APBA1: variants seen among roughly 807,000 people sequenced by gnomAD.
APBA1 encodes the protein amyloid beta precursor protein binding family A member 1, also known as amyloid-beta A4 precursor protein-binding family A member 1.
Under a neutral mutation model 86.6 loss-of-function variants are expected in APBA1, and 55 were observed. The observed-to-expected ratio is 0.64, with a 90% confidence interval of 0.51 to 0.80. The LOEUF is 0.80. APBA1 is among the 30% of genes least tolerant of loss of function. APBA1 has a pLI of 0.00. For synonymous variants in APBA1, 511 were observed against 493.9 expected (o/e 1.03, Z -0.46); for missense variants, 1,090 against 1,183.0 (o/e 0.92, Z 1.15).
At chr9:69,671,217 G>A (rs970728797) in intron 1 of APBA1, among the ~76,000 whole-genome samples, 1 of 152,092 alleles carries the variant, frequency 6.6e-6, no homozygotes, top group Non-Finnish European at 1.5e-5. Flanking sequence ...TTCTCCTTCT[G>A]GTCAGACAAG....
At chr9:69,502,696 A>G (rs1835898039) in intron 2 of APBA1, among the ~76,000 whole-genome samples, 1 of 152,088 alleles carries the variant, frequency 6.6e-6, no homozygotes, top group South Asian at 2.1e-4. Flanking sequence ...AAAAGAAGAC[A>G]TCTCAAAAAC....
At chr9:69,566,464 G>A (rs891133887) in intron 1 of APBA1, among the ~76,000 whole-genome samples, 2 of 152,246 alleles carry the variant, frequency 1.3e-5, no homozygotes, top group Non-Finnish European at 2.9e-5. Context: ...AGTGCTTATT[G>A]GTGCTTGGTA....
At chr9:69,625,019 A>G (rs1375575185) in intron 1 of APBA1, among the ~76,000 whole-genome samples, 1 of 152,142 alleles carries the variant, frequency 6.6e-6, no homozygotes, top group East Asian at 1.9e-4. Flanking sequence ...TCCTTCATGG[A>G]GCTCACATTC....
chr9:69,515,883 G>A, intron 2 of APBA1, 128 bp downstream of exon 2: 7 of 1,042,980 alleles, frequency 6.7e-6, no homozygotes, highest in Non-Finnish European at 9.4e-6. Context: ...GCTTACGGTG[G>A]AAAAGTTCTT....
chr9:69,551,105 A>G (rs902730981), intron 1 of APBA1, among the ~76,000 whole-genome samples: 1 of 152,238 alleles, frequency 6.6e-6, no homozygotes. Flanking sequence ...TTGGGACAAG[A>G]AAAAATCTGG....
chr9:69,476,262 G>C, intron 2 of APBA1, 119 bp from the exon 3 acceptor site: 2 of 667,850 alleles, frequency 3.0e-6, no homozygotes, highest in Non-Finnish European at 5.2e-6. Flanking sequence ...ACACTGCAGT[G>C]GGGAGAAAAC....
chr9:69,448,375 A>C (rs1834946977), intron 10 of APBA1, among the ~76,000 whole-genome samples: 1 of 152,240 alleles, frequency 6.6e-6, no homozygotes, highest in South Asian at 2.1e-4. Flanking sequence ...TCCATGTTCA[A>C]AGTTGATTCT....
intron 1 of APBA1, among the ~76,000 whole-genome samples, chr9:69,656,016 TAC>T (rs1002133513): frequency 2.6e-5 from 4 of 152,230 alleles, no homozygotes. Context: ...CCCATACATG[TAC>T]AATTTTTATG....
chr9:69,543,721 C>T (rs1480076871), intron 1 of APBA1, among the ~76,000 whole-genome samples: 1 of 152,142 alleles, frequency 6.6e-6, no homozygotes, highest in Admixed American at 6.5e-5. Context: ...TTCCCAGGGT[C>T]ACAAAGCAGA....
At position 69,470,951 on chromosome 9, in the gene APBA1, A is replaced by G. The variant is rs138161170; in HGVS notation, c.1336+705T>C. Among the ~76,000 whole-genome samples, 981 of 152,216 alleles carry G rather than the reference A, an allele frequency of 6.4e-3. 9 individuals carry two copies. The highest frequency in any genetic ancestry group is 8.7e-3 in the Non-Finnish European group (593 of 68,002). On this transcript the variant is annotated intron_variant, in intron 4 of 12. Coordinates refer to ENST00000265381, the MANE Select transcript of APBA1 (RefSeq NM_001163.4). ...CCTTGTGCAGTGAGTAACCTGCACA[A>G]CCATGTGTGGCAGCCCCACAAAGAC...
At chr9:69,537,901 T>C (rs1836539140) in intron 1 of APBA1, among the ~76,000 whole-genome samples, 1 of 152,102 alleles carries the variant, frequency 6.6e-6, no homozygotes, top group African/African-American at 2.4e-5. Context: ...TGACTGGCTT[T>C]ATAGTTTCTC....
chr9:69,645,284 C>T (rs1000319991), intron 1 of APBA1, among the ~76,000 whole-genome samples: 2 of 152,134 alleles, frequency 1.3e-5, no homozygotes, highest in East Asian at 1.9e-4. Context: ...GTAACTTTGT[C>T]CAAGCCACAG....
chr9:69,445,788 G>A (rs2133800918), intron 10 of APBA1, among the ~76,000 whole-genome samples: 1 of 152,270 alleles, frequency 6.6e-6, no homozygotes, highest in South Asian at 2.1e-4. Flanking sequence ...TAACCTGGGG[G>A]GACAATAGTC....
intron 9 of APBA1, 134 bp downstream of exon 9, chr9:69,451,988 A>G (rs1193901027): frequency 1.2e-6 from 1 of 834,178 alleles, no homozygotes; most frequent in African/African-American, 1.7e-5. Context: ...ATGGGGGTGA[A>G]CGACTTCATG....
intron 1 of APBA1, among the ~76,000 whole-genome samples, chr9:69,640,532 A>G (rs1272128883): frequency 1.3e-5 from 2 of 152,182 alleles, no homozygotes; most frequent in East Asian, 3.9e-4. Flanking sequence ...AATTATCCAT[A>G]TAATAATATT....
chr9:69,575,552 G>A (rs929718755), intron 1 of APBA1, among the ~76,000 whole-genome samples: 2 of 152,104 alleles, frequency 1.3e-5, no homozygotes, highest in Admixed American at 6.5e-5. Flanking sequence ...AAATAATGCC[G>A]CATATCTACA....
chr9:69,565,794 A>G (rs999913104), intron 1 of APBA1, among the ~76,000 whole-genome samples: 5 of 151,980 alleles, frequency 3.3e-5, no homozygotes, highest in Non-Finnish European at 7.4e-5. Flanking sequence ...ATGAGTCCTT[A>G]CCGTTCTCCT....
chr9:69,635,800 T>G (rs750099025), intron 1 of APBA1, among the ~76,000 whole-genome samples: 1 of 152,160 alleles, frequency 6.6e-6, no homozygotes, highest in Non-Finnish European at 1.5e-5. Context: ...ATATAACAAC[T>G]GTAAATATAT....
At chr9:69,501,563 G>C (rs1474186172) in intron 2 of APBA1, among the ~76,000 whole-genome samples, 2 of 151,598 alleles carry the variant, frequency 1.3e-5, no homozygotes, top group East Asian at 3.9e-4. Context: ...CACTTTGAGA[G>C]GCCAATGCTT....
Sources: gnomAD v4.1 joint callset for allele counts (sites outside exome capture counted in the v4.1 genomes callset) on GRCh38, gnomAD v4.1.1 for gene constraint, MANE v1.5 for transcripts, NCBI Gene and HGNC (gene_info 2026-07-23, HGNC 2026-07-21) for gene names.